Variants in RBKS observed in about 807,000 individuals in gnomAD.
RBKS encodes ribokinase.
A neutral mutation model predicts 33.9 loss-of-function variants in RBKS; 33 were observed. The observed-to-expected ratio is 0.97, with a 90% CI of 0.74 to 1.30. The LOEUF is 1.30. Among genes scored for constraint, RBKS ranks in the 50% most tolerant of loss-of-function variants. The probability of loss-of-function intolerance (pLI) is 0.00; values close to 1 mark genes in which losing one functional copy is unlikely to be tolerated. For synonymous variants in RBKS, 125 were observed against 143.0 expected, an observed-to-expected ratio of 0.87 and a Z score of 0.90; for missense variants, 361 against 392.6, an observed-to-expected ratio of 0.92 and a Z score of 0.68.
Position 27,843,143 on chromosome 2 carries a change from G to C in RBKS, c.438C>G (p.Ala146=). Residue 146 remains alanine, a synonymous_variant, in exon 5 of 8, where the codon GCC becomes GCG. Transcript: ENST00000302188. ...LRAAANVISR[A]KVMVCQLEIT... is the part of the protein sequence containing the mutation. ...TTTCGAGCTGGCAGACCATGACTTT[G>C]GCTCTGCTAATGACATTGGCTGCTG... The C allele has an allele frequency of 6.2e-7, 1 of 1,611,568 alleles. No homozygotes were observed. Among genetic ancestry groups the C allele is most frequent in the Non-Finnish European group, 8.5e-7 (1 of 1,178,840 alleles).
intron 1 of RBKS, chr2:27,870,506 GAGAGAA>G (rs1391987124): frequency 9.0e-6 from 2 of 222,060 alleles, no homozygotes; most frequent in Non-Finnish European, 1.9e-5. Context: ...TTGTGTGTGT[GAGAGAA>G]GACATGTGTG....
chr2:27,820,549 TTCTCTCTC>T (rs10534268), intron 7 of RBKS, among the ~76,000 whole-genome samples: 2,835 of 147,946 alleles, frequency 0.019, 31 homozygotes, highest in Middle Eastern at 0.056. Context: ...AGATTTACTA[TTCTCTCTC>T]TCTCTCTCTC....
intron 7 of RBKS, among the ~76,000 whole-genome samples, chr2:27,815,347 A>G (rs1486312457): frequency 6.6e-6 from 1 of 152,008 alleles, no homozygotes; most frequent in African/African-American, 2.4e-5. Flanking sequence ...AGTGGGGACT[A>G]CAGACGTGTG....
intron 7 of RBKS, among the ~76,000 whole-genome samples, chr2:27,813,057 T>C (rs1678022799): frequency 6.7e-6 from 1 of 148,708 alleles, no homozygotes; most frequent in Admixed American, 6.7e-5. Flanking sequence ...AAAAAAGAAA[T>C]TTATACTACC....
chr2:27,789,986 T>TAGAGAGAGAG (rs368946256), intron 7 of RBKS, among the ~76,000 whole-genome samples: 12 of 130,932 alleles, frequency 9.2e-5, no homozygotes, highest in African/African-American at 3.2e-4. Context: ...TATATATATG[T>TAGAGAGAGAG]AGAGAGAGAG....
At chr2:27,782,756 CTTTG>C (rs1489595149) in intron 7 of RBKS, 1 of 316,654 alleles carries the variant, frequency 3.2e-6, no homozygotes, top group South Asian at 2.6e-5. Flanking sequence ...ATGTTGTACT[CTTTG>C]TTTCTTTAAT....
intron 1 of RBKS, among the ~76,000 whole-genome samples, chr2:27,875,353 G>T (rs1664290523): frequency 6.6e-6 from 1 of 151,924 alleles, no homozygotes; most frequent in South Asian, 2.1e-4. Context: ...TTCGAGAGCA[G>T]CCTGGGCAAC....
Position 27,827,696 on chromosome 2 carries a change from T to G in RBKS, c.666A>C (p.Leu222Phe). ...CCTGGCAGCCCCTTTTCAAGAGCAC[T>G]AATGCAGCCTCCCCAGCATCTGCAG... ...GSAADAGEAALVLLKRGCQVV... is the reference protein window; with the variant it reads ...GSAADAGEAAFVLLKRGCQVV... The change falls in exon 7 of 8, where the codon TTA becomes TTC. Residue 222 changes from leucine (L) to phenylalanine (F), a missense_variant. By Grantham distance (22) the Leu-to-Phe change is conservative (BLOSUM62 0). Coordinates refer to ENST00000302188, the MANE Select transcript of RBKS (RefSeq NM_022128.3). 6.2e-7 allele frequency: 1 copy of G among 1,613,746 alleles called. No individual in the cohort carries two copies. The highest frequency in any genetic ancestry group is 8.5e-7 in the Non-Finnish European group (1 of 1,179,880).
At chr2:27,784,351 T>C (rs1432008491) in intron 7 of RBKS, among the ~76,000 whole-genome samples, 1 of 152,226 alleles carries the variant, frequency 6.6e-6, no homozygotes, top group Non-Finnish European at 1.5e-5. Flanking sequence ...ATAACAAATC[T>C]TGAGGCTATA....
At chr2:27,865,343 C>T (rs1664077099) in intron 1 of RBKS, among the ~76,000 whole-genome samples, 1 of 149,510 alleles carries the variant, frequency 6.7e-6, no homozygotes, top group Admixed American at 6.6e-5. Context: ...AACAAACAAA[C>T]AAAATTCTTT....
At chr2:27,809,061 T>C (rs1301932510) in intron 7 of RBKS, among the ~76,000 whole-genome samples, 3 of 152,290 alleles carry the variant, frequency 2.0e-5, no homozygotes, top group Non-Finnish European at 4.4e-5. Context: ...TGAGTCAATA[T>C]GGGCACATTA....
chr2:27,885,362 C>T lies in RBKS; in HGVS notation c.89+4895G>A, dbSNP rs189708717. 3.9e-5 allele frequency among the ~76,000 whole-genome samples: 6 copies of T among 152,280 alleles called. No homozygotes were observed. In the East Asian group the frequency reaches 9.6e-4, roughly 24 times the overall value. On this transcript the variant is annotated intron_variant, in intron 1 of 7. Transcript: ENST00000302188. ...ATTCTCATATAGCCCTTGGAGAGAT[C>T]CTATTATAATCAAAATAAGATTATG...
At chr2:27,791,291 T>G (rs1483641622) in intron 7 of RBKS, among the ~76,000 whole-genome samples, 1 of 152,194 alleles carries the variant, frequency 6.6e-6, no homozygotes, top group East Asian at 1.9e-4. Flanking sequence ...ATAATGTTTC[T>G]GTGTCTGTGA....
intron 7 of RBKS, among the ~76,000 whole-genome samples, chr2:27,790,494 G>T (rs767619766): frequency 2.6e-5 from 4 of 152,110 alleles, no homozygotes; most frequent in Middle Eastern, 3.4e-3. Flanking sequence ...AATATCAAAA[G>T]ATAAGCCATG....
At chr2:27,790,196 C>A (rs1220802726) in intron 7 of RBKS, among the ~76,000 whole-genome samples, 1 of 151,758 alleles carries the variant, frequency 6.6e-6, no homozygotes. Flanking sequence ...GCAACCTGTA[C>A]CCAGTAATTC....
In RBKS at chr2:27,890,369, C is replaced by T; in HGVS notation, c.-24G>A. On this transcript the variant is annotated 5_prime_UTR_variant, in exon 1 of 8. Transcript: ENST00000302188. This position sits in a 1 kb window ranked among gnomAD's most constrained non-coding sequence, Gnocchi z 4.8. ...ATCGCTCAAAGGTGCTGCTGTCCAA[C>T]CTGGACGGTGACCTCTGCCCTTTGC... 18 of 1,607,278 alleles carry T rather than the reference C, an allele frequency of 1.1e-5. No homozygotes were observed. Among genetic ancestry groups the T allele is most frequent in the Non-Finnish European group, 1.5e-5 (18 of 1,177,406 alleles).
chr2:27,783,494 A>G (rs1426756503), intron 7 of RBKS, among the ~76,000 whole-genome samples: 1 of 152,196 alleles, frequency 6.6e-6, no homozygotes, highest in Non-Finnish European at 1.5e-5. Flanking sequence ...GGCCATGGAA[A>G]CAGAAAACGT....
intron 7 of RBKS, among the ~76,000 whole-genome samples, chr2:27,803,349 C>T (rs925241859): frequency 1.8e-4 from 28 of 152,256 alleles, no homozygotes; most frequent in African/African-American, 6.5e-4. Flanking sequence ...CATTATGTCG[C>T]AAATGTCCAT....
intron 4 of RBKS, among the ~76,000 whole-genome samples, chr2:27,844,524 C>T (rs2148212326): frequency 6.6e-6 from 1 of 152,142 alleles, no homozygotes; most frequent in East Asian, 1.9e-4. Flanking sequence ...TCCCAAGTAG[C>T]TGGTATTGCA....
Sources: allele counts gnomAD v4.1 joint callset (sites outside exome capture counted in the v4.1 genomes callset), GRCh38; gene constraint gnomAD v4.1.1; non-coding constraint Gnocchi (gnomAD v3.1); transcripts MANE v1.5; gene names NCBI Gene and HGNC (gene_info 2026-07-23, HGNC 2026-07-21).